Variants in PDZD7 observed in about 807,000 individuals in gnomAD.
PDZD7 encodes PDZ domain containing 7.
A neutral mutation model predicts 84.7 loss-of-function variants in PDZD7; 72 were observed. The ratio of observed to expected loss-of-function variants is 0.85; its 90% CI spans 0.70 to 1.03. PDZD7 has a LOEUF of 1.03. Ranked by LOEUF, PDZD7 falls within the 50% of genes least tolerant of loss-of-function variation. The probability of loss-of-function intolerance (pLI) is 0.00; values close to 1 mark genes in which losing one functional copy is unlikely to be tolerated. For missense variants in PDZD7, 1,490 were observed against 1,412.9 expected (o/e 1.05, Z -0.87); for synonymous variants, 594 against 580.7 (o/e 1.02, Z -0.33).
Position 101,015,622 on chromosome 10 carries a change from G to C in PDZD7, c.1749+14C>G, listed in dbSNP as rs565345883. The C allele has an allele frequency of 1.5e-5, 23 of 1,549,126 alleles. No homozygotes were observed. In the African/African-American group the frequency reaches 2.7e-4, roughly 18 times the overall value. On this transcript the variant is annotated intron_variant, in intron 11 of 16. Coordinates refer to ENST00000619208, the MANE Select transcript of PDZD7 (RefSeq NM_001195263.2). ...GGACCGTGTGCCAGGGCTGCGGATGGGATGAAGGCTTACCCGGGAGCAGTG... is the reference window on the plus strand; with the variant it reads ...GGACCGTGTGCCAGGGCTGCGGATGCGATGAAGGCTTACCCGGGAGCAGTG...
intron 2 of PDZD7, among the ~76,000 whole-genome samples, chr10:101,025,690 G>A (rs1412601603): frequency 6.6e-6 from 1 of 151,652 alleles, no homozygotes; most frequent in African/African-American, 2.4e-5. Context: ...TGGGACTACA[G>A]GCGCCCACCA....
intron 7 of PDZD7, 139 bp from the exon 8 acceptor site, chr10:101,019,356 G>A (rs374723574): frequency 1.2e-5 from 13 of 1,086,082 alleles, no homozygotes; most frequent in East Asian, 2.6e-5. Context: ...TGAGGAACCC[G>A]CTGCTCCGAA....
rs1852285142 is a variant in PDZD7 at position 101,008,326 on chromosome 10, G to A, written c.*141C>T. 2 of 878,622 alleles carry A rather than the reference G, an allele frequency of 2.3e-6. No homozygotes were observed. Among genetic ancestry groups the A allele is most frequent in the African/African-American group, 1.7e-5 (1 of 58,986 alleles). 54.4% of individuals were successfully genotyped at this position (878,622 alleles called of 1,614,324 possible). ...ATGACAGCTGAGGAGGGAAGAAAGT[G>A]GAAAGATGTGAGCCACCAGTGTGGC... On this transcript the variant is annotated 3_prime_UTR_variant, in exon 17 of 17. Transcript: ENST00000619208.
Position 101,011,978 on chromosome 10 carries a change from C to A in PDZD7, c.1880G>T (p.Ser627Ile). The A allele has an allele frequency of 1.3e-6, 2 of 1,550,524 alleles. No homozygotes were observed. The highest frequency in any genetic ancestry group is 1.7e-6 in the Non-Finnish European group (2 of 1,146,998). ...CTCCAGCTCCACAAGCATCACCATGCTGTCGAAGCGGCCCAGGTCTGTGGG... is the reference window on the plus strand; with the variant it reads ...CTCCAGCTCCACAAGCATCACCATGATGTCGAAGCGGCCCAGGTCTGTGGG... Reference protein sequence around the residue: ...VAPTDLGRFDSMVMLVELEAF... With the variant: ...VAPTDLGRFDIMVMLVELEAF... Residue 627 changes from serine (S) to isoleucine (I), a missense_variant, in exon 13 of 17, where the codon AGC (serine) becomes ATC (isoleucine). Physicochemically the swap from Ser to Ile is moderately radical, Grantham distance 142 (BLOSUM62 -2). Coordinates refer to ENST00000619208, the MANE Select transcript of PDZD7 (RefSeq NM_001195263.2).
chr10:101,024,978 T>C (rs1398552004), intron 2 of PDZD7, among the ~76,000 whole-genome samples: 1 of 152,046 alleles, frequency 6.6e-6, no homozygotes, highest in Non-Finnish European at 1.5e-5. Flanking sequence ...GATTCTGTTC[T>C]ATGGGGGATG....
chr10:101,017,879 GAAAGAAAGAAAGA>G lies in PDZD7; in HGVS notation c.1522+207_1522+219del, dbSNP rs1564632504. ...AGAAAGAAAGAAAGAAAGAAAGAAAGAAAGAAAGAAAGAAAAGAAAGAAAGAAAGAAAGAAAAG... is the reference window on the plus strand; with the variant it reads ...AGAAAGAAAGAAAGAAAGAAAGAAAGAAAGAAAGAAAGAAAGAAAGAAAAG... On this transcript the variant is annotated intron_variant, in intron 9 of 16. Coordinates refer to ENST00000619208, the MANE Select transcript of PDZD7 (RefSeq NM_001195263.2). 0.085 allele frequency: 24,664 copies of G among 288,500 alleles called. 1,317 individuals carry two copies. The highest frequency in any genetic ancestry group is 0.12 in the Middle Eastern group (113 of 932). The allele number at this position is 288,500 out of a possible 1,614,324, so 17.9% of individuals were successfully genotyped here. A position where few individuals can be genotyped will look rare whatever the true frequency, so the allele number is the denominator to read the frequency against.
At chr10:101,017,084 G>C (rs113808090) in intron 9 of PDZD7, among the ~76,000 whole-genome samples, 1,568 of 152,214 alleles carry the variant, frequency 0.01, 25 homozygotes, top group South Asian at 0.071. Flanking sequence ...GTGGGTACAT[G>C]ACCCAGGCTG....
Position 101,030,170 on chromosome 10 carries a change from A to G in PDZD7, c.50T>C (p.Leu17Pro), listed in dbSNP as rs781329680. Residue 17 changes from leucine (L) to proline (P), a missense_variant, in exon 2 of 17, where the codon CTG becomes CCG. By Grantham distance (98) the Leu-to-Pro change is moderately conservative. Coordinates refer to ENST00000619208, the MANE Select transcript of PDZD7 (RefSeq NM_001195263.2). ...VGFDPLGLGD[L>P]SSGSLSSLSS... ...GAGGGAGCTCAGAGAGCCGGAGCTC[A>G]GGTCTCCTAGGCCCAGTGGGTCGAA... The G allele has an allele frequency of 6.2e-7, 1 of 1,613,714 alleles. No individual in the cohort carries two copies. Among genetic ancestry groups the G allele is most frequent in the South Asian group, 1.1e-5 (1 of 91,066 alleles).
rs778472334 is a variant in PDZD7, at chr10:101,021,933, A to T, written c.732T>A (p.Gly244=). The part of the protein sequence containing the change: ...LGIYVSKVDH[G]GLAEENGIKV... ...TGATGCCATTCTCCTCGGCCAGCCCACCATGGTCCACTCTGAGGCCAGACA... is the reference window on the plus strand; with the variant it reads ...TGATGCCATTCTCCTCGGCCAGCCCTCCATGGTCCACTCTGAGGCCAGACA... The change falls in exon 6 of 17, where the codon GGT becomes GGA. Residue 244 remains glycine (G), a synonymous_variant. Coordinates refer to ENST00000619208, the MANE Select transcript of PDZD7 (RefSeq NM_001195263.2). 3 of 1,613,944 alleles carry T rather than the reference A, an allele frequency of 1.9e-6. No homozygotes were observed. The African/African-American group carries it at 4.0e-5, about 22-fold the overall frequency.
intron 8 of PDZD7, 79 bp from the exon 9 acceptor site, chr10:101,018,375 A>T: frequency 6.7e-6 from 10 of 1,501,882 alleles, no homozygotes; most frequent in East Asian, 2.3e-5. Flanking sequence ...GTGGGGAGGG[A>T]CAGAGAGAAG....
At position 101,008,980 on chromosome 10, in the gene PDZD7, A is replaced by T. The variant is rs538297408; in HGVS notation, c.2719-130T>A. On this transcript the variant is annotated intron_variant, in intron 16 of 16. Coordinates refer to ENST00000619208, the MANE Select transcript of PDZD7 (RefSeq NM_001195263.2). ...TCCCCCATCTGGGTGGAGGGGATGG[A>T]CAATGAGACTTTTGTGCCTGCAGTT... 8.2e-4 allele frequency: 988 copies of T among 1,210,998 alleles called. 2 individuals are homozygous for T. Among genetic ancestry groups the T allele is most frequent in the South Asian group, 1.9e-3 (113 of 60,934 alleles). The allele number at this position is 1,210,998 out of a possible 1,614,324, so 75.0% of individuals were successfully genotyped here.
chr10:101,026,481 T>TG (rs1215717667), intron 2 of PDZD7, among the ~76,000 whole-genome samples: 1 of 15,462 alleles, frequency 6.5e-5, no homozygotes, highest in Non-Finnish European at 1.3e-4. Context: ...TTTTGATGGG[T>TG]GGGGGGTAAG....
At chr10:101,010,044 C>T (rs191967894) in intron 15 of PDZD7, among the ~76,000 whole-genome samples, 10 of 152,170 alleles carry the variant, frequency 6.6e-5, no homozygotes, top group African/African-American at 1.9e-4. Context: ...AGGCGCCCAC[C>T]ACCACACACG....
At chr10:101,010,959 G>A in intron 14 of PDZD7, 76 bp from the exon 15 acceptor site, 3 of 1,529,832 alleles carry the variant, frequency 2.0e-6, no homozygotes, top group Non-Finnish European at 2.6e-6. Context: ...TTTGTGTGGG[G>A]CCTGTGAGAG....
intron 5 of PDZD7, 79 bp from the exon 6 acceptor site, chr10:101,022,024 C>T: frequency 6.3e-7 from 1 of 1,575,852 alleles, no homozygotes; most frequent in Non-Finnish European, 8.6e-7. Flanking sequence ...TTCTCTTGGA[C>T]ACAAGACTGC....
rs1852695308 is a variant in PDZD7 at position 101,017,643 on chromosome 10, G to A, written c.1522+456C>T. 5.7e-6 allele frequency: 4 copies of A among 701,018 alleles called. No homozygotes were observed. In the South Asian group the frequency reaches 5.9e-5, roughly 10 times the overall value. The allele number at this position is 701,018 out of a possible 1,614,324, so 43.4% of individuals were successfully genotyped here. A position where few individuals can be genotyped will look rare whatever the true frequency, so the allele number is the denominator to read the frequency against. On this transcript the variant is annotated intron_variant, in intron 9 of 16. Coordinates refer to ENST00000619208, the MANE Select transcript of PDZD7 (RefSeq NM_001195263.2). Reference sequence around the variant, plus strand: ...ACAAAAAGATGCAAAAAAATTAGCTGAGCATGGTGATGCACACGTGTCATG... The same window carrying A: ...ACAAAAAGATGCAAAAAAATTAGCTAAGCATGGTGATGCACACGTGTCATG...
chr10:101,011,746 A>T lies in PDZD7; in HGVS notation c.1949T>A (p.Leu650Ter). The T allele has an allele frequency of 6.5e-7, 1 of 1,548,504 alleles. No homozygotes were observed. Among genetic ancestry groups the T allele is most frequent in the Non-Finnish European group, 8.7e-7 (1 of 1,146,976 alleles). ...TGGCGTGTCCTGCCGGGCTGGTCTC[A>T]AAGCAGGAGGCCGGACTGGTTGGAG... ...LKSRAVRPPA[L>*]RPARQDTPPK... Residue 650 changes from leucine to a stop codon, truncating the protein, a stop_gained, in exon 14 of 17, where the codon TTG (leucine) becomes TAG (stop). Transcript: ENST00000619208. LOFTEE classifies it high-confidence loss of function.
chr10:101,008,939 C>G, intron 16 of PDZD7, 89 bp from the exon 17 acceptor site: 1 of 1,399,000 alleles, frequency 7.1e-7, no homozygotes, highest in Non-Finnish European at 9.4e-7. Flanking sequence ...CTCACCTCCA[C>G]CCATGAGGAC....
At chr10:101,019,851 C>T (rs796935288) in intron 7 of PDZD7, among the ~76,000 whole-genome samples, 13 of 151,646 alleles carry the variant, frequency 8.6e-5, no homozygotes, top group African/African-American at 3.1e-4. Context: ...GTCTCGAGCA[C>T]CTGACCTCAG....
Sources: gnomAD v4.1 joint callset for allele counts (sites outside exome capture counted in the v4.1 genomes callset) on GRCh38, gnomAD v4.1.1 for gene constraint, MANE v1.5 for transcripts, NCBI Gene and HGNC (gene_info 2026-07-23, HGNC 2026-07-21) for gene names.